Variants in CSAD observed in about 807,000 individuals in gnomAD.
CSAD encodes the protein P-selectin cytoplasmic tail-associated protein.
Under a neutral mutation model 61.5 loss-of-function variants are expected in CSAD, and 47 were observed. That is an observed-to-expected ratio of 0.76 (90% confidence interval 0.60 to 0.97). CSAD has a LOEUF of 0.97. Among genes scored for constraint, CSAD ranks in the 50% least tolerant of loss-of-function variants. The pLI is 0.00. For synonymous variants in CSAD, 245 were observed against 252.7 expected (o/e 0.97, Z 0.29); for missense variants, 611 against 643.6 (o/e 0.95, Z 0.55).
chr12:53,176,923 G>A (rs1159247204), intron 2 of CSAD, among the ~76,000 whole-genome samples: 1 of 151,802 alleles, frequency 6.6e-6, no homozygotes, highest in Non-Finnish European at 1.5e-5. Context: ...TGTAAACAGG[G>A]TCTCACTATG....
chr12:53,174,995 G>A (rs1261628616), intron 2 of CSAD, among the ~76,000 whole-genome samples: 1 of 152,166 alleles, frequency 6.6e-6, no homozygotes, highest in Non-Finnish European at 1.5e-5. Flanking sequence ...TGGCTCTCAG[G>A]GAAGGGAATG....
rs1407197472 is a variant in CSAD, at chr12:53,160,767, G to T, written c.962C>A (p.Thr321Asn). ...CAGGGGCAGGGGCAGACCCACCGAG[G>T]TATCCTGGAGAAGAAGTGCAGAGCA... ...LQCSALLLQD[T>N]SNLLKRCHGS... The change falls in exon 13 of 17, where the codon ACC (threonine) becomes AAC (asparagine). Residue 321 changes from threonine to asparagine, a missense_variant. By Grantham distance (65) the Thr-to-Asn change is moderately conservative (BLOSUM62 0). Coordinates refer to ENST00000444623, the MANE Select transcript of CSAD (RefSeq NM_001244705.2). 1 of 1,551,574 alleles carries T rather than the reference G, an allele frequency of 6.4e-7. No individual in the cohort carries two copies. The highest frequency in any genetic ancestry group is 1.2e-5 in the South Asian group (1 of 84,060).
At chr12:53,163,700 A>C (rs1434017407) in intron 10 of CSAD, among the ~76,000 whole-genome samples, 1 of 152,254 alleles carries the variant, frequency 6.6e-6, no homozygotes, top group Non-Finnish European at 1.5e-5. Flanking sequence ...CATGTTGATG[A>C]ATGAACACAA....
chr12:53,162,512 G>C (rs992998977), intron 10 of CSAD, among the ~76,000 whole-genome samples: 1 of 152,206 alleles, frequency 6.6e-6, no homozygotes, highest in Non-Finnish European at 1.5e-5. Context: ...AGGTTGCAGT[G>C]AGCCAAGATT....
In CSAD at chr12:53,180,023, G is replaced by C. The variant is rs537803123; in HGVS notation, c.-91+709C>G. 3 of 1,431,764 alleles carry C rather than the reference G, an allele frequency of 2.1e-6. No homozygotes were observed. The East Asian group carries it at 7.7e-5, about 37-fold the overall frequency. 88.7% of individuals were successfully genotyped at this position (1,431,764 alleles called of 1,614,324 possible). On this transcript the variant is annotated intron_variant, in intron 1 of 16. Coordinates refer to ENST00000444623, the MANE Select transcript of CSAD (RefSeq NM_001244705.2). ...TTGATGCTGGACGGCCTGGAGTAAA[G>C]GGCGAAGGGGAGAAGGTAACCAACC...
rs747124946 is a variant in CSAD at position 53,171,369 on chromosome 12, C to T, written c.524G>A (p.Gly175Asp). 6 of 1,614,044 alleles carry T rather than the reference C, an allele frequency of 3.7e-6. No individual in the cohort carries two copies. In the Admixed American group the frequency reaches 5.0e-5, roughly 13 times the overall value. ...YQRYPDCKQR[G>D]LRTLPPLALF... ...GGCCAGGGGCGGCAGTGTGCGGAGGCCCCTCTGCTTGCAATCCGGGTAGCG... is the reference window on the plus strand; with the variant it reads ...GGCCAGGGGCGGCAGTGTGCGGAGGTCCCTCTGCTTGCAATCCGGGTAGCG... Residue 175 changes from glycine to aspartate, a missense_variant, in exon 8 of 17, where the codon GGC becomes GAC. Physicochemically the swap from Gly to Asp is moderately conservative, Grantham distance 94. Coordinates refer to ENST00000444623, the MANE Select transcript of CSAD (RefSeq NM_001244705.2).
chr12:53,180,859 C>T lies in CSAD; in HGVS notation c.-218G>A. ...GCAGGTAGGAGCAAGCCCCAAAGAC[C>T]GCAGCGTCGTCCGTACAGACGGCAG... On this transcript the variant is annotated 5_prime_UTR_variant, in exon 1 of 17. Coordinates refer to ENST00000444623, the MANE Select transcript of CSAD (RefSeq NM_001244705.2). 1 of 1,255,840 alleles carries T rather than the reference C, an allele frequency of 8.0e-7. No homozygotes were observed. The highest frequency in any genetic ancestry group is 1.0e-6 in the Non-Finnish European group (1 of 974,782). 77.8% of individuals were successfully genotyped at this position (1,255,840 alleles called of 1,614,324 possible).
At chr12:53,181,023 G>T, upstream of CSAD, 1 of 849,906 alleles carries the variant, frequency 1.2e-6, no homozygotes, top group Non-Finnish European at 1.5e-6. Flanking sequence ...CTGCCCGCGC[G>T]TCCCGCCGCG....
In CSAD at chr12:53,172,283, C is replaced by A. The variant is rs1427890406; in HGVS notation, c.344+63G>T. The A allele has an allele frequency of 3.5e-6, 5 of 1,426,106 alleles. No homozygotes were observed. The African/African-American group carries it at 7.0e-5, about 20-fold the overall frequency. The allele number at this position is 1,426,106 out of a possible 1,614,324, so 88.3% of individuals were successfully genotyped here. A position where few individuals can be genotyped will look rare whatever the true frequency, so the allele number is the denominator to read the frequency against. On this transcript the variant is annotated intron_variant, in intron 6 of 16. Transcript: ENST00000444623. ...AGAACCATTCTCCTCCCCTACCCCT[C>A]AGGCACCTCTCTAGCAAACCTAAAT...
chr12:53,172,938 T>C (rs771537534), intron 4 of CSAD, among the ~76,000 whole-genome samples: 7 of 152,310 alleles, frequency 4.6e-5, no homozygotes, highest in Middle Eastern at 3.4e-3. Context: ...CCAGGCGTGG[T>C]AGCTCACGCC....
Position 53,172,282 on chromosome 12 carries a change from T to C in CSAD, c.344+64A>G, listed in dbSNP as rs1259372958. Reference sequence around the variant, plus strand: ...CAGAACCATTCTCCTCCCCTACCCCTCAGGCACCTCTCTAGCAAACCTAAA... The same window carrying C: ...CAGAACCATTCTCCTCCCCTACCCCCCAGGCACCTCTCTAGCAAACCTAAA... On this transcript the variant is annotated intron_variant, in intron 6 of 16. Transcript: ENST00000444623. 17 of 1,419,972 alleles carry C rather than the reference T, an allele frequency of 1.2e-5. No homozygotes were observed. The South Asian group carries it at 1.4e-4, about 11-fold the overall frequency. The allele number at this position is 1,419,972 out of a possible 1,614,324, so 88.0% of individuals were successfully genotyped here. A position where few individuals can be genotyped will look rare whatever the true frequency, so the allele number is the denominator to read the frequency against.
At chr12:53,161,045 A>G (rs1227578814) in intron 12 of CSAD, 82 bp downstream of exon 12, 2 of 1,423,178 alleles carry the variant, frequency 1.4e-6, no homozygotes, top group Non-Finnish European at 2.0e-6. Flanking sequence ...TACCCCAGCC[A>G]TGTTAAACTC....
In CSAD at chr12:53,158,364, G is replaced by A. The variant is rs1442934966; in HGVS notation, c.*147C>T. The A allele has an allele frequency of 4.3e-6, 3 of 700,874 alleles. No homozygotes were observed. The highest frequency in any genetic ancestry group is 3.0e-5 in the Admixed American group (1 of 33,512). 43.4% of individuals were successfully genotyped at this position (700,874 alleles called of 1,614,324 possible). Reference sequence around the variant, plus strand: ...TTGGCCAGGCTGGTCTCGAACTCCTGACCTCAAGTGATCCACCCGCCTCGG... The same window carrying A: ...TTGGCCAGGCTGGTCTCGAACTCCTAACCTCAAGTGATCCACCCGCCTCGG... On this transcript the variant is annotated 3_prime_UTR_variant, in exon 17 of 17. Coordinates refer to ENST00000444623, the MANE Select transcript of CSAD (RefSeq NM_001244705.2).
In CSAD at chr12:53,173,496, T is replaced by C. The variant is rs769662511; in HGVS notation, c.-6-20A>G. On this transcript the variant is annotated intron_variant, in intron 3 of 16. Coordinates refer to ENST00000444623, the MANE Select transcript of CSAD (RefSeq NM_001244705.2). ...CAGGATCTGTGGCAGAGCAGAGTCA[T>C]TCCCTACTCAGCCTGTCAACCCTTC... The C allele has an allele frequency of 6.2e-7, 1 of 1,613,974 alleles. No individual in the cohort carries two copies. The highest frequency in any genetic ancestry group is 1.3e-5 in the African/African-American group (1 of 74,934).
At chr12:53,176,651 G>A (rs1340790840) in intron 2 of CSAD, among the ~76,000 whole-genome samples, 4 of 151,582 alleles carry the variant, frequency 2.6e-5, no homozygotes, top group Non-Finnish European at 4.4e-5. Flanking sequence ...CCCGGGAGGC[G>A]GAGCTTGCAG....
rs576284984 is a variant in CSAD, at chr12:53,173,393, C to A, written c.78G>T (p.Gly26=). 23 of 1,614,226 alleles carry A rather than the reference C, an allele frequency of 1.4e-5. No individual in the cohort carries two copies. The South Asian group carries it at 2.5e-4, about 18-fold the overall frequency. ...AVEALLRAVF[G]VVVDEAIQKG... ...TCTGAATGGCCTCATCCACAACAAC[C>A]CCAAACACGGCCCGGAGCAAGGCTT... The change falls in exon 4 of 17, where the codon GGG becomes GGT. Residue 26 remains glycine (G), a synonymous_variant. Transcript: ENST00000444623.
At chr12:53,178,247 T>A in intron 2 of CSAD, 2 of 409,122 alleles carry the variant, frequency 4.9e-6, no homozygotes, top group Non-Finnish European at 9.7e-6. Flanking sequence ...CCGAGGCCAA[T>A]GGATAGCTTG....
In CSAD at chr12:53,158,296, C is replaced by A; in HGVS notation, c.*215G>T. ...GTTTACAGGCACAGGCCACCATGCT[C>A]GGCTAATTTTTGTATTTTTAGTAGA... On this transcript the variant is annotated 3_prime_UTR_variant, in exon 17 of 17. Transcript: ENST00000444623. The A allele has an allele frequency of 5.1e-6, 2 of 392,202 alleles. No individual in the cohort carries two copies. The highest frequency in any genetic ancestry group is 3.2e-5 in the South Asian group (1 of 31,480). The allele number at this position is 392,202 out of a possible 1,614,324, so 24.3% of individuals were successfully genotyped here. A position where few individuals can be genotyped will look rare whatever the true frequency, so the allele number is the denominator to read the frequency against.
At chr12:53,180,539 C>G in intron 1 of CSAD, 193 bp downstream of exon 1, 1 of 1,278,636 alleles carries the variant, frequency 7.8e-7, no homozygotes, top group Non-Finnish European at 1.0e-6. Context: ...CTCCTCCATG[C>G]CCTCGGCGCA....
Sources: allele counts gnomAD v4.1 joint callset (sites outside exome capture counted in the v4.1 genomes callset), GRCh38; gene constraint gnomAD v4.1.1; transcripts MANE v1.5; gene names NCBI Gene and HGNC (gene_info 2026-07-23, HGNC 2026-07-21).